Variants in RPS6KA1 observed in about 807,000 individuals in gnomAD.
RPS6KA1 encodes ribosomal protein S6 kinase alpha-1.
In RPS6KA1, 48 loss-of-function variants were observed where a neutral mutation model predicts 91.3. That is an observed-to-expected ratio of 0.53 (90% CI 0.42 to 0.67). The LOEUF (loss-of-function observed/expected upper bound fraction) is 0.67. Among genes scored for constraint, RPS6KA1 ranks in the 30% least tolerant of loss-of-function variants. The pLI is 0.00. For synonymous variants in RPS6KA1, 359 were observed against 384.7 expected (o/e 0.93, Z 0.78); for missense variants, 719 against 960.5 (o/e 0.75, Z 3.32).
chr1:26,574,512 T>TTC lies in RPS6KA1; in HGVS notation c.*312_*313insCT. On this transcript the variant is annotated 3_prime_UTR_variant, in exon 22 of 22. Coordinates refer to ENST00000374168, the MANE Select transcript of RPS6KA1 (RefSeq NM_002953.4). This position sits in a 1 kb window ranked among gnomAD's most constrained non-coding sequence, Gnocchi z 4.3. Reference sequence around the variant, plus strand: ...GCCTTTCTGGGAGCAGAAACAGCCATTGCGGCCCCAGGAGGGGAACTGAGT... The same window carrying TTC: ...GCCTTTCTGGGAGCAGAAACAGCCATTCTGCGGCCCCAGGAGGGGAACTGAGT... The TTC allele has an allele frequency of 2.0e-6, 1 of 510,574 alleles. No individual in the cohort carries two copies. Among genetic ancestry groups the TTC allele is most frequent in the South Asian group, 1.5e-5 (1 of 65,074 alleles). 31.6% of individuals were successfully genotyped at this position (510,574 alleles called of 1,614,324 possible).
At chr1:26,564,139 T>TA (rs900103324) in intron 17 of RPS6KA1, among the ~76,000 whole-genome samples, 6 of 151,578 alleles carry the variant, frequency 4.0e-5, no homozygotes, top group East Asian at 3.9e-4. Context: ...AAAATAAAAA[T>TA]AAAAAAAAGA....
At chr1:26,556,589 G>C in intron 11 of RPS6KA1, 65 bp from the exon 12 acceptor site, 1 of 1,561,690 alleles carries the variant, frequency 6.4e-7, no homozygotes, top group African/African-American at 1.4e-5. Flanking sequence ...AGGCTGCTTG[G>C]TGGGCAGGGT....
At position 26,554,754 on chromosome 1, in the gene RPS6KA1, G is replaced by C; in HGVS notation, c.756+16G>C. 6.3e-7 allele frequency: 1 copy of C among 1,587,994 alleles called. No individual in the cohort carries two copies. ...GGTGTTGATGGTGAGTGCCCAGACAGGGGTAAAGGATCCAGCCCAAGCCTC... is the reference window on the plus strand; with the variant it reads ...GGTGTTGATGGTGAGTGCCCAGACACGGGTAAAGGATCCAGCCCAAGCCTC... On this transcript the variant is annotated intron_variant, in intron 9 of 21. Coordinates refer to ENST00000374168, the MANE Select transcript of RPS6KA1 (RefSeq NM_002953.4). This position sits in a 1 kb window ranked among gnomAD's most constrained non-coding sequence, Gnocchi z 4.6.
chr1:26,553,243 C>T (rs2076069031), intron 6 of RPS6KA1, 148 bp from the exon 7 acceptor site: 4 of 564,956 alleles, frequency 7.1e-6, no homozygotes, highest in Non-Finnish European at 1.3e-5. Context: ...ACTTCAAATC[C>T]TTTGTATGAT....
Position 26,547,062 on chromosome 1 carries a change from AG to A in RPS6KA1, c.225+81del, listed in dbSNP as rs1442812777. On this transcript the variant is annotated intron_variant, in intron 3 of 21. Coordinates refer to ENST00000374168, the MANE Select transcript of RPS6KA1 (RefSeq NM_002953.4). This position sits in a 1 kb window ranked among gnomAD's most constrained non-coding sequence, Gnocchi z 4.1. Reference sequence around the variant, plus strand: ...GGTCAAGGGTCACCTAGGGGCCCAAAGGATCAGAGGTCACCTTGGTACCCAG... The same window carrying A: ...GGTCAAGGGTCACCTAGGGGCCCAAAGATCAGAGGTCACCTTGGTACCCAG... The A allele has an allele frequency of 6.0e-6, 9 of 1,511,140 alleles. No individual in the cohort carries two copies. Among genetic ancestry groups the A allele is most frequent in the Non-Finnish European group, 8.3e-6 (9 of 1,087,176 alleles). 93.6% of individuals were successfully genotyped at this position (1,511,140 alleles called of 1,614,324 possible).
At position 26,571,350 on chromosome 1, in the gene RPS6KA1, T is replaced by C. The variant is rs2076247050; in HGVS notation, c.1591-99T>C. On this transcript the variant is annotated intron_variant, in intron 17 of 21. Coordinates refer to ENST00000374168, the MANE Select transcript of RPS6KA1 (RefSeq NM_002953.4). This position sits in a 1 kb window ranked among gnomAD's most constrained non-coding sequence, Gnocchi z 5.1. ...GATGCCAAGTCCATGCACCCGTCCC[T>C]CTGCACCCTGTCTGTGTAGCTTTCT... is the stretch of plus-strand genomic sequence containing the variant. 5.9e-6 allele frequency: 7 copies of C among 1,194,254 alleles called. No homozygotes were observed. The highest frequency in any genetic ancestry group is 3.0e-5 in the African/African-American group (2 of 66,518). The allele number at this position is 1,194,254 out of a possible 1,614,324, so 74.0% of individuals were successfully genotyped here. A position where few individuals can be genotyped will look rare whatever the true frequency, so the allele number is the denominator to read the frequency against.
rs1186994947 is a variant in RPS6KA1 at position 26,555,839 on chromosome 1, C to T, written c.916+214C>T. Among the ~76,000 whole-genome samples, 3 of 152,074 alleles carry T rather than the reference C, an allele frequency of 2.0e-5. No homozygotes were observed. Among genetic ancestry groups the T allele is most frequent in the African/African-American group, 7.2e-5 (3 of 41,408 alleles). On this transcript the variant is annotated intron_variant, in intron 11 of 21. Coordinates refer to ENST00000374168, the MANE Select transcript of RPS6KA1 (RefSeq NM_002953.4). This position sits in a 1 kb window ranked among gnomAD's most constrained non-coding sequence, Gnocchi z 4.3. ...GGGGGAAGGCAGGAACTGAGTCATC[C>T]CTACTCCCTCTGGGGACAAGGACAG... is the stretch of plus-strand genomic sequence containing the variant.
chr1:26,569,442 C>T (rs1211550211), intron 17 of RPS6KA1, among the ~76,000 whole-genome samples: 2 of 152,214 alleles, frequency 1.3e-5, no homozygotes, highest in East Asian at 1.9e-4. Flanking sequence ...AGGGAGCCCA[C>T]GGGACTTTCT....
At chr1:26,535,664 G>T (rs144245705) in intron 1 of RPS6KA1, among the ~76,000 whole-genome samples, 12 of 152,236 alleles carry the variant, frequency 7.9e-5, no homozygotes, top group African/African-American at 2.4e-4. Flanking sequence ...CTGACCAGAG[G>T]GGGGCTCTGG....
In RPS6KA1 at chr1:26,554,365, T is replaced by C. The variant is rs2076080250; in HGVS notation, c.613+114T>C. 2.4e-6 allele frequency: 3 copies of C among 1,247,922 alleles called. No individual in the cohort carries two copies. The East Asian group carries it at 7.7e-5, about 32-fold the overall frequency. 77.3% of individuals were successfully genotyped at this position (1,247,922 alleles called of 1,614,324 possible). A position where few individuals can be genotyped will look rare whatever the true frequency, so the allele number is the denominator to read the frequency against. On this transcript the variant is annotated intron_variant, in intron 8 of 21. Transcript: ENST00000374168. The surrounding 1 kb of genome is among the most constrained non-coding windows in gnomAD (Gnocchi z 4.6). Reference sequence around the variant, plus strand: ...TTCCCGAGAAGCCGTGCCAGTTACTTGGAAGTGGTCAAAAACTCAGGCCTC... The same window carrying C: ...TTCCCGAGAAGCCGTGCCAGTTACTCGGAAGTGGTCAAAAACTCAGGCCTC...
At chr1:26,572,651 G>A (rs2076259672) in intron 20 of RPS6KA1, among the ~76,000 whole-genome samples, 1 of 152,220 alleles carries the variant, frequency 6.6e-6, no homozygotes, top group African/African-American at 2.4e-5. Context: ...GGCCAGGGGT[G>A]TGGACCGTGG....
At chr1:26,552,931 C>A in intron 6 of RPS6KA1, 1 of 330,872 alleles carries the variant, frequency 3.0e-6, no homozygotes, top group Admixed American at 4.2e-5. Flanking sequence ...TTTAACTTTC[C>A]CATGTTTCTT....
In RPS6KA1 at chr1:26,571,763, C is replaced by A; in HGVS notation, c.1753-86C>A. Reference sequence around the variant, plus strand: ...CTAGCCTGTGCCTGGGACCCTTGTCCTGCCCTTGAGGGGAGTAGCAGGAAA... The same window carrying A: ...CTAGCCTGTGCCTGGGACCCTTGTCATGCCCTTGAGGGGAGTAGCAGGAAA... On this transcript the variant is annotated intron_variant, in intron 18 of 21. Transcript: ENST00000374168. This position sits in a 1 kb window ranked among gnomAD's most constrained non-coding sequence, Gnocchi z 5.1. The A allele has an allele frequency of 6.7e-7, 1 of 1,498,998 alleles. No individual in the cohort carries two copies. Among genetic ancestry groups the A allele is most frequent in the Non-Finnish European group, 9.1e-7 (1 of 1,103,816 alleles). 92.9% of individuals were successfully genotyped at this position (1,498,998 alleles called of 1,614,324 possible).
At position 26,555,233 on chromosome 1, in the gene RPS6KA1, C is replaced by T. The variant is rs372229974; in HGVS notation, c.827+12C>T. 9.0e-5 allele frequency: 145 copies of T among 1,613,604 alleles called. No individual in the cohort carries two copies. The highest frequency in any genetic ancestry group is 1.2e-4 in the Non-Finnish European group (138 of 1,179,658). On this transcript the variant is annotated intron_variant, in intron 10 of 21. Transcript: ENST00000374168. The surrounding 1 kb of genome is among the most constrained non-coding windows in gnomAD (Gnocchi z 4.3). ...ACACTGATTCTGAAGTAAGCCCCAGCCCTGCCCTGATAACAATGGACTCCT... is the reference window on the plus strand; with the variant it reads ...ACACTGATTCTGAAGTAAGCCCCAGTCCTGCCCTGATAACAATGGACTCCT...
At position 26,551,739 on chromosome 1, in the gene RPS6KA1, C is replaced by T. The variant is rs1232615389; in HGVS notation, c.468+16C>T. On this transcript the variant is annotated intron_variant, in intron 6 of 21. Coordinates refer to ENST00000374168, the MANE Select transcript of RPS6KA1 (RefSeq NM_002953.4). The surrounding 1 kb of genome is among the most constrained non-coding windows in gnomAD (Gnocchi z 4.5). ...CTCAAAAGAGGTGAGCTGACATCTACTGCCAGAGGGCCCCGGGATGGAGCT... is the reference window on the plus strand; with the variant it reads ...CTCAAAAGAGGTGAGCTGACATCTATTGCCAGAGGGCCCCGGGATGGAGCT... 4 of 1,607,226 alleles carry T rather than the reference C, an allele frequency of 2.5e-6. No individual in the cohort carries two copies. Among genetic ancestry groups the T allele is most frequent in the East Asian group, 2.2e-5 (1 of 44,834 alleles).
At chr1:26,549,966 GCCTC>G (rs1056254783) in intron 4 of RPS6KA1, among the ~76,000 whole-genome samples, 16 of 152,036 alleles carry the variant, frequency 1.1e-4, no homozygotes, top group African/African-American at 3.9e-4. Context: ...CACAACCTCT[GCCTC>G]CCGGGTTCAA....
intron 14 of RPS6KA1, among the ~76,000 whole-genome samples, chr1:26,560,517 G>A (rs2076144562): frequency 6.6e-6 from 1 of 152,212 alleles, no homozygotes; most frequent in Admixed American, 6.5e-5. Context: ...GGCAGGCTGG[G>A]AGCCAGTGAG....
intron 17 of RPS6KA1, among the ~76,000 whole-genome samples, chr1:26,565,844 G>A (rs1473743435): frequency 6.6e-6 from 1 of 152,086 alleles, no homozygotes; most frequent in Non-Finnish European, 1.5e-5. Flanking sequence ...TTACAGGCGC[G>A]GCCCCGTTTT....
chr1:26,530,772 T>G (rs537697516), intron 1 of RPS6KA1: 1 of 1,288,054 alleles, frequency 7.8e-7, no homozygotes, highest in Admixed American at 2.3e-5. Flanking sequence ...CCTTGAGGGC[T>G]CTGTGGCTCC....
Sources: gnomAD v4.1 joint callset for allele counts (sites outside exome capture counted in the v4.1 genomes callset) on GRCh38, gnomAD v4.1.1 for gene constraint, Gnocchi (gnomAD v3.1) non-coding constraint, MANE v1.5 for transcripts, NCBI Gene and HGNC (gene_info 2026-07-23, HGNC 2026-07-21) for gene names.